Variants in ANKS1B observed in about 807,000 individuals in gnomAD.
The protein encoded by ANKS1B is ankyrin repeat and sterile alpha motif domain containing 1B.
A neutral mutation model predicts 148.3 loss-of-function variants in ANKS1B; 36 were observed. That is an observed-to-expected ratio of 0.24 (90% CI 0.19 to 0.32). The LOEUF (loss-of-function observed/expected upper bound fraction) is 0.32, where lower values mean the gene tolerates loss of function less well. Ranked by LOEUF, ANKS1B falls within the 10% of genes least tolerant of loss-of-function variation. The pLI is 1.00. For synonymous variants in ANKS1B, 542 were observed against 560.8 expected, an observed-to-expected ratio of 0.97 and a Z score of 0.47; for missense variants, 1,157 against 1,542.6, an observed-to-expected ratio of 0.75 and a Z score of 4.19.
rs75730947 is a variant in ANKS1B, at chr12:99,346,593, C to T, written c.1756+53038G>A. On this transcript the variant is annotated intron_variant, in intron 12 of 26. Coordinates refer to ENST00000683438, the MANE Select transcript of ANKS1B (RefSeq NM_001352186.2). Reference sequence around the variant, plus strand: ...AGTAGGAGACTCCAATAGCCTTACTCTCCACTGAAAAGCAAAAAACAAAAC... The same window carrying T: ...AGTAGGAGACTCCAATAGCCTTACTTTCCACTGAAAAGCAAAAAACAAAAC... Among the ~76,000 whole-genome samples, 739 of 151,944 alleles carry T rather than the reference C, an allele frequency of 4.9e-3. 3 individuals are homozygous for T. Among genetic ancestry groups the T allele is most frequent in the Non-Finnish European group, 6.5e-3 (442 of 67,932 alleles).
At chr12:99,704,235 G>A (rs2055346636) in intron 8 of ANKS1B, among the ~76,000 whole-genome samples, 3 of 152,056 alleles carry the variant, frequency 2.0e-5, no homozygotes, top group Admixed American at 2.0e-4. Flanking sequence ...GGGCTAACGT[G>A]GGAGGGATAA....
chr12:99,358,644 A>T (rs536000697), intron 12 of ANKS1B, among the ~76,000 whole-genome samples: 2 of 152,044 alleles, frequency 1.3e-5, no homozygotes, highest in Admixed American at 6.6e-5. Context: ...CTTGCCGGGA[A>T]AAGTTCCTGC....
At chr12:99,891,254 C>T (rs760676844) in intron 1 of ANKS1B, among the ~76,000 whole-genome samples, 9 of 152,172 alleles carry the variant, frequency 5.9e-5, no homozygotes, top group Admixed American at 2.0e-4. Flanking sequence ...GAAGGTTCCA[C>T]GTTCTCCATA....
intron 9 of ANKS1B, among the ~76,000 whole-genome samples, chr12:99,553,883 C>T (rs768909442): frequency 6.6e-6 from 1 of 152,168 alleles, no homozygotes; most frequent in Non-Finnish European, 1.5e-5. Flanking sequence ...TTTACGTTAG[C>T]TTCAGTGACT....
intron 1 of ANKS1B, among the ~76,000 whole-genome samples, chr12:99,926,214 A>G (rs547930299): frequency 5.3e-4 from 81 of 152,348 alleles, no homozygotes; most frequent in African/African-American, 1.9e-3. Context: ...ACTTGCTTAT[A>G]TTAGGACTGC....
chr12:99,417,380 T>C (rs890514504), intron 11 of ANKS1B, among the ~76,000 whole-genome samples: 4 of 152,318 alleles, frequency 2.6e-5, no homozygotes, highest in Non-Finnish European at 5.9e-5. Flanking sequence ...ATTTCTGGGT[T>C]CTCTCTTCTG....
chr12:99,063,050 G>A (rs1249538721), intron 16 of ANKS1B, among the ~76,000 whole-genome samples: 1 of 152,104 alleles, frequency 6.6e-6, no homozygotes, highest in Non-Finnish European at 1.5e-5. Flanking sequence ...CGCCTGTGTT[G>A]TCTTCACTCC....
intron 12 of ANKS1B, among the ~76,000 whole-genome samples, chr12:99,290,607 G>A (rs935018825): frequency 6.6e-6 from 1 of 151,970 alleles, no homozygotes; most frequent in African/African-American, 2.4e-5. Flanking sequence ...GGAATGCAAG[G>A]ATGGTTTAAC....
intron 16 of ANKS1B, among the ~76,000 whole-genome samples, chr12:99,058,278 C>T (rs1021057787): frequency 4.7e-5 from 7 of 149,568 alleles, no homozygotes; most frequent in African/African-American, 1.5e-4. Flanking sequence ...CTCTGTCACC[C>T]GGGCACCCAG....
Position 99,864,182 on chromosome 12 carries a change from C to A in ANKS1B, c.135-38793G>T, listed in dbSNP as rs527961675. The stretch of plus-strand genomic sequence containing the variant: ...CCCAGGCCTCTCACTTAAATGGTCA[C>A]AAACACCTAACTGGTCTCCCCACCT... On this transcript the variant is annotated intron_variant, in intron 1 of 26. Transcript: ENST00000683438. Among the ~76,000 whole-genome samples the A allele has an allele frequency of 3.3e-5, 5 of 151,722 alleles. No individual in the cohort carries two copies. The East Asian group carries it at 9.7e-4, about 29-fold the overall frequency.
At chr12:98,789,823 T>C (rs1282358058) in intron 22 of ANKS1B, among the ~76,000 whole-genome samples, 3 of 152,192 alleles carry the variant, frequency 2.0e-5, no homozygotes, top group Non-Finnish European at 1.5e-5. Flanking sequence ...TGAATATGTA[T>C]AGGAATAAAA....
At chr12:98,776,140 G>A (rs940916664) in intron 24 of ANKS1B, among the ~76,000 whole-genome samples, 3 of 152,218 alleles carry the variant, frequency 2.0e-5, no homozygotes, top group African/African-American at 4.8e-5. Flanking sequence ...GAATGGTGAA[G>A]CCAGTTCTCT....
chr12:98,793,883 G>C (rs1053115211), intron 22 of ANKS1B, among the ~76,000 whole-genome samples: 1 of 152,212 alleles, frequency 6.6e-6, no homozygotes, highest in African/African-American at 2.4e-5. Context: ...CAGGGTTCGG[G>C]ATGGGGTATG....
chr12:99,136,043 A>T (rs2067936690), intron 15 of ANKS1B, among the ~76,000 whole-genome samples: 1 of 152,248 alleles, frequency 6.6e-6, no homozygotes, highest in African/African-American at 2.4e-5. Flanking sequence ...AAGTAAAGAT[A>T]GGAAATGCAA....
rs773297608 is a variant in ANKS1B at position 99,806,445 on chromosome 12, C to T, written c.628G>A (p.Val210Met). The T allele has an allele frequency of 6.2e-7, 1 of 1,613,874 alleles. No homozygotes were observed. Among genetic ancestry groups the T allele is most frequent in the Non-Finnish European group, 8.5e-7 (1 of 1,179,886 alleles). ...ATTCCTGCCTCCAGCAGCACCTGCA[C>T]GACTGCTTTGTGGCCATTGCGCGCA... The part of the protein sequence containing the change: ...LAARNGHKAV[V>M]QVLLEAGMDV... The change falls in exon 4 of 27, where the codon GTG (valine) becomes ATG (methionine). Residue 210 changes from valine to methionine, a missense_variant. Physicochemically the swap from Val to Met is conservative, Grantham distance 21. Coordinates refer to ENST00000683438, the MANE Select transcript of ANKS1B (RefSeq NM_001352186.2).
At chr12:99,627,448 T>C (rs540331079) in intron 9 of ANKS1B, among the ~76,000 whole-genome samples, 1 of 152,336 alleles carries the variant, frequency 6.6e-6, no homozygotes, top group Admixed American at 6.5e-5. Flanking sequence ...ATTGGAATTA[T>C]CCTCATTTTA....
At chr12:99,096,191 C>G (rs911304066) in intron 15 of ANKS1B, among the ~76,000 whole-genome samples, 16 of 152,086 alleles carry the variant, frequency 1.1e-4, no homozygotes, top group Non-Finnish European at 2.9e-5. Flanking sequence ...TGTAGCTCTT[C>G]CAGGAACTCT....
intron 12 of ANKS1B, among the ~76,000 whole-genome samples, chr12:99,373,342 G>C (rs2093240193): frequency 6.6e-6 from 1 of 152,006 alleles, no homozygotes; most frequent in African/African-American, 2.4e-5. Flanking sequence ...ATTGGGAGAG[G>C]AAAAAAGGAA....
intron 17 of ANKS1B, among the ~76,000 whole-genome samples, chr12:98,849,877 C>T (rs1456332406): frequency 6.6e-6 from 1 of 152,008 alleles, no homozygotes; most frequent in Non-Finnish European, 1.5e-5. Flanking sequence ...TCAACTTATC[C>T]CTTGGAATGG....
Sources: allele counts gnomAD v4.1 joint callset (sites outside exome capture counted in the v4.1 genomes callset), GRCh38; gene constraint gnomAD v4.1.1; transcripts MANE v1.5; gene names NCBI Gene and HGNC (gene_info 2026-07-23, HGNC 2026-07-21).